Variants in CFAP58 observed in about 807,000 individuals in gnomAD.
CFAP58 encodes the protein cilia- and flagella-associated protein 58.
A neutral mutation model predicts 119.5 loss-of-function variants in CFAP58; 88 were observed. The observed-to-expected ratio is 0.74, with a 90% confidence interval of 0.62 to 0.88. The LOEUF is 0.88. CFAP58 is among the 40% of genes least tolerant of loss of function. The probability of loss-of-function intolerance (pLI) is 0.00; values close to 1 mark genes in which losing one functional copy is unlikely to be tolerated. For missense variants in CFAP58, 990 were observed against 1,021.2 expected, an observed-to-expected ratio of 0.97 and a Z score of 0.42; for synonymous variants, 365 against 366.3, an observed-to-expected ratio of 1.00 and a Z score of 0.04.
chr10:104,370,764 AT>A, intron 6 of CFAP58, 130 bp from the exon 7 acceptor site: 1 of 757,744 alleles, frequency 1.3e-6, no homozygotes. Context: ...TGTGTGCTTG[AT>A]TTAATCTCAC....
chr10:104,421,464 A>G (rs960774985), intron 15 of CFAP58, among the ~76,000 whole-genome samples: 1 of 152,240 alleles, frequency 6.6e-6, no homozygotes, highest in Admixed American at 6.5e-5. Context: ...AGCCTGGGCA[A>G]GACCCACTAT....
chr10:104,415,587 G>A (rs1272280380), intron 15 of CFAP58, among the ~76,000 whole-genome samples: 2 of 152,144 alleles, frequency 1.3e-5, no homozygotes, highest in South Asian at 2.1e-4. Flanking sequence ...CCCTCGCAGT[G>A]TACCAGGCAT....
chr10:104,452,535 A>G (rs1344575780), intron 17 of CFAP58, among the ~76,000 whole-genome samples: 2 of 152,192 alleles, frequency 1.3e-5, no homozygotes, highest in Non-Finnish European at 2.9e-5. Flanking sequence ...CTCCTGCCCC[A>G]AAGTTTGATG....
At chr10:104,345,040 G>T in the CFAP58 span, among the ~76,000 whole-genome samples, 1 of 151,916 alleles carries the variant, frequency 6.6e-6, no homozygotes, top group African/African-American at 2.4e-5. Context: ...CCAGCTACTC[G>T]GGAGGCTGAG....
At chr10:104,440,133 A>G (rs1196656016) in intron 15 of CFAP58, among the ~76,000 whole-genome samples, 1 of 148,402 alleles carries the variant, frequency 6.7e-6, no homozygotes, top group African/African-American at 2.6e-5. Context: ...CTGATTTACT[A>G]TTTTAAACAA....
intron 15 of CFAP58, among the ~76,000 whole-genome samples, chr10:104,417,422 T>G (rs2012571488): frequency 6.6e-6 from 1 of 152,222 alleles, no homozygotes; most frequent in Non-Finnish European, 1.5e-5. Context: ...GATGATAACT[T>G]CACCCTCTGG....
At chr10:104,407,193 T>C (rs1035560578) in intron 15 of CFAP58, among the ~76,000 whole-genome samples, 1 of 152,258 alleles carries the variant, frequency 6.6e-6, no homozygotes, top group African/African-American at 2.4e-5. Context: ...AAGATTTATG[T>C]GAGTGAAATG....
chr10:104,449,161 GTT>G (rs35684849), intron 16 of CFAP58, among the ~76,000 whole-genome samples: 25,687 of 142,134 alleles, frequency 0.18, 2,514 homozygotes, highest in Non-Finnish European at 0.24. Flanking sequence ...ACTGAGACAG[GTT>G]TTTTTTTTTT....
At chr10:104,414,575 T>G (rs972777517) in intron 15 of CFAP58, among the ~76,000 whole-genome samples, 2 of 150,906 alleles carry the variant, frequency 1.3e-5, no homozygotes, top group African/African-American at 4.9e-5. Flanking sequence ...GCAGGGGCTG[T>G]GTTCTGTGGG....
At chr10:104,358,308 T>C (rs960440869) in intron 1 of CFAP58, 33 bp from the exon 2 acceptor site, 1 of 1,589,572 alleles carries the variant, frequency 6.3e-7, no homozygotes, top group Admixed American at 1.7e-5. Context: ...AAATGTTGCA[T>C]TGCCCTTTCC....
intron 15 of CFAP58, among the ~76,000 whole-genome samples, chr10:104,429,237 A>C (rs117878482): frequency 0.013 from 2,053 of 152,204 alleles, 16 homozygotes; most frequent in Non-Finnish European, 0.021. Context: ...TCTGCAGTTG[A>C]GGAAGAAGAA....
chr10:104,386,090 T>G (rs1362373020), intron 9 of CFAP58, among the ~76,000 whole-genome samples: 1 of 146,932 alleles, frequency 6.8e-6, no homozygotes, highest in East Asian at 2.0e-4. Flanking sequence ...TATTCTAAAA[T>G]GGATGGGCTG....
the CFAP58 span, among the ~76,000 whole-genome samples, chr10:104,342,559 G>A: frequency 1.3e-5 from 2 of 151,820 alleles, no homozygotes; most frequent in Non-Finnish European, 2.9e-5. Context: ...TCAGCTGGGT[G>A]CTGTGGCTCC....
In CFAP58 at chr10:104,400,675, C is replaced by G; in HGVS notation, c.1816-5C>G. On this transcript the variant is annotated splice_region_variant and splice_polypyrimidine_tract_variant and intron_variant, in intron 12 of 17. Coordinates refer to ENST00000369704, the MANE Select transcript of CFAP58 (RefSeq NM_001008723.2). ...TGGTGACTATGCCCCTCCCTACCTT[C>G]CTAGGTCATCAGTGAGAGAGATATC... The G allele has an allele frequency of 1.2e-6, 2 of 1,612,890 alleles. No individual in the cohort carries two copies. The highest frequency in any genetic ancestry group is 1.7e-6 in the Non-Finnish European group (2 of 1,179,490).
chr10:104,376,746 G>A (rs959145060), intron 7 of CFAP58, 65 bp from the exon 8 acceptor site: 62 of 1,306,394 alleles, frequency 4.7e-5, no homozygotes, highest in Non-Finnish European at 5.8e-5. Flanking sequence ...GTATCACTTC[G>A]GCTTTTGTAG....
At chr10:104,338,929 G>A in the CFAP58 span, among the ~76,000 whole-genome samples, 1 of 149,174 alleles carries the variant, frequency 6.7e-6, no homozygotes, top group Non-Finnish European at 1.5e-5. Flanking sequence ...TTTTGAGAAG[G>A]AGTTTCGCTC....
At chr10:104,393,507 A>G (rs1480047064) in intron 11 of CFAP58, 32 bp downstream of exon 11, 2 of 1,587,452 alleles carry the variant, frequency 1.3e-6, no homozygotes, top group Non-Finnish European at 1.7e-6. Context: ...CAAAGTACCA[A>G]CAGTTCATCA....
intron 17 of CFAP58, 107 bp downstream of exon 17, chr10:104,450,311 T>C (rs970446397): frequency 1.7e-6 from 2 of 1,151,056 alleles, no homozygotes; most frequent in Admixed American, 4.0e-5. Context: ...GTAAACTAAA[T>C]CACAGGGTAA....
At chr10:104,361,073 C>T (rs1028529247) in intron 2 of CFAP58, among the ~76,000 whole-genome samples, 1 of 152,186 alleles carries the variant, frequency 6.6e-6, no homozygotes, top group African/African-American at 2.4e-5. Context: ...CCACCAGGCC[C>T]CACCTCCAAC....
Sources: allele counts gnomAD v4.1 joint callset (sites outside exome capture counted in the v4.1 genomes callset), GRCh38; gene constraint gnomAD v4.1.1; transcripts MANE v1.5; gene names NCBI Gene and HGNC (gene_info 2026-07-23, HGNC 2026-07-21).